The following GABRB3 variants were observed in gnomAD, a reference collection of about 807,000 sequenced individuals.
GABRB3 encodes gamma-aminobutyric acid type A receptor subunit beta3.
In GABRB3, 14 loss-of-function variants were observed where a neutral mutation model predicts 52.1. The observed-to-expected ratio is 0.27, with a 90% confidence interval of 0.18 to 0.42. The LOEUF is 0.42. GABRB3 is among the 10% of genes least tolerant of loss of function. The probability of loss-of-function intolerance (pLI) is 1.00; values close to 1 mark genes in which losing one functional copy is unlikely to be tolerated. For missense variants in GABRB3, 307 were observed against 609.1 expected, an observed-to-expected ratio of 0.50 and a Z score of 5.22; for synonymous variants, 260 against 232.3, an observed-to-expected ratio of 1.12 and a Z score of -1.08.
chr15:26,669,259 C>T (rs1595520240), intron 3 of GABRB3, among the ~76,000 whole-genome samples: 1 of 152,192 alleles, frequency 6.6e-6, no homozygotes, highest in Admixed American at 6.5e-5. Context: ...TGATGTCCTT[C>T]CTACTTAGGG....
At chr15:26,563,273 C>A (rs746399889) in intron 7 of GABRB3, among the ~76,000 whole-genome samples, 6 of 152,192 alleles carry the variant, frequency 3.9e-5, no homozygotes, top group Non-Finnish European at 7.3e-5. Flanking sequence ...GGTAAATGAA[C>A]CCCAGAGGGA....
At chr15:26,732,991 T>C (rs1200657496) in intron 3 of GABRB3, among the ~76,000 whole-genome samples, 1 of 86,086 alleles carries the variant, frequency 1.2e-5, no homozygotes, top group African/African-American at 4.2e-5. Context: ...GAGTAAGACC[T>C]TGTCTCTAAT....
At position 26,583,250 on chromosome 15, in the gene GABRB3, C is replaced by T. The variant is rs538101437; in HGVS notation, c.544+82G>A. 1.2e-5 allele frequency: 14 copies of T among 1,122,930 alleles called. No individual in the cohort carries two copies. The South Asian group carries it at 1.8e-4, about 14-fold the overall frequency. The allele number at this position is 1,122,930 out of a possible 1,614,324, so 69.6% of individuals were successfully genotyped here. ...TTCTATGTCAAAAAAATTATGGATG[C>T]CTTGAAAAAAGATGCTAAATAATGA... On this transcript the variant is annotated intron_variant, in intron 5 of 8. Transcript: ENST00000311550.
chr15:26,757,275 T>C (rs1021156609), intron 3 of GABRB3, among the ~76,000 whole-genome samples: 1 of 152,128 alleles, frequency 6.6e-6, no homozygotes, highest in South Asian at 2.1e-4. Flanking sequence ...CAGAAACTCA[T>C]CCCTTTCTTC....
chr15:26,697,563 A>G (rs886831511), intron 3 of GABRB3, among the ~76,000 whole-genome samples: 4 of 152,106 alleles, frequency 2.6e-5, no homozygotes, highest in Non-Finnish European at 4.4e-5. Context: ...ACCTCAGATA[A>G]TGCAGGAAGA....
chr15:26,560,438 C>T lies in GABRB3; in HGVS notation c.1080+494G>A, dbSNP rs936857330. 2.6e-5 allele frequency among the ~76,000 whole-genome samples: 4 copies of T among 152,318 alleles called. No homozygotes were observed. In the East Asian group the frequency reaches 7.7e-4, roughly 29 times the overall value. On this transcript the variant is annotated intron_variant, in intron 8 of 8. Transcript: ENST00000311550. ...TAACCAGCCCCAGTCCAAATGCCCT[C>T]ACCCAAATTCAAGAATGCACTCCAC...
intron 3 of GABRB3, among the ~76,000 whole-genome samples, chr15:26,724,248 C>T (rs764092563): frequency 9.2e-5 from 14 of 152,162 alleles, no homozygotes; most frequent in Non-Finnish European, 1.8e-4. Flanking sequence ...ATCCTCTCTC[C>T]TCCTGGGCCA....
At chr15:26,627,558 G>A (rs1356556508) in intron 3 of GABRB3, among the ~76,000 whole-genome samples, 1 of 151,872 alleles carries the variant, frequency 6.6e-6, no homozygotes, top group Non-Finnish European at 1.5e-5. Flanking sequence ...TTTGGAAGAT[G>A]TGGATTCCAG....
chr15:26,766,178 A>C (rs1890991778), intron 3 of GABRB3, among the ~76,000 whole-genome samples: 1 of 152,228 alleles, frequency 6.6e-6, no homozygotes, highest in African/African-American at 2.4e-5. Flanking sequence ...CAAATGTCTG[A>C]TAGGCTTCAT....
chr15:26,661,218 A>G (rs935598147), intron 3 of GABRB3, among the ~76,000 whole-genome samples: 1 of 152,284 alleles, frequency 6.6e-6, no homozygotes, highest in Admixed American at 6.5e-5. Flanking sequence ...TGAATTCTCA[A>G]CTGAATTCTC....
chr15:26,648,812 G>A (rs953895630), intron 3 of GABRB3, among the ~76,000 whole-genome samples: 4 of 152,176 alleles, frequency 2.6e-5, no homozygotes, highest in African/African-American at 9.7e-5. Flanking sequence ...GATGGGGAAG[G>A]AAAGAACTGA....
chr15:26,615,482 A>G lies in GABRB3; in HGVS notation c.461+5832T>C, dbSNP rs1312818646. ...TCAAGCTCAAGGGGCTACAAGAGTC[A>G]TGGGAAAAATGGCTCATGATTTAAA... On this transcript the variant is annotated intron_variant, in intron 4 of 8. Transcript: ENST00000311550. The G allele has an allele frequency of 6.1e-6, 6 of 978,702 alleles. No individual in the cohort carries two copies. In the African/African-American group the frequency reaches 1.1e-4, roughly 17 times the overall value. 60.6% of individuals were successfully genotyped at this position (978,702 alleles called of 1,614,324 possible). A position where few individuals can be genotyped will look rare whatever the true frequency, so the allele number is the denominator to read the frequency against.
chr15:26,617,191 A>G (rs984348049), intron 4 of GABRB3, among the ~76,000 whole-genome samples: 18 of 152,174 alleles, frequency 1.2e-4, no homozygotes, highest in African/African-American at 4.1e-4. Flanking sequence ...AAACTATTCC[A>G]ATCAATAGAA....
At chr15:26,614,039 G>C (rs1331107151) in intron 4 of GABRB3, 1 of 152,360 alleles carries the variant, frequency 6.6e-6, no homozygotes, top group Non-Finnish European at 1.5e-5. Context: ...TGAGGGAGGA[G>C]GAAAGTAGCA....
At chr15:26,758,692 G>C (rs868318180) in intron 3 of GABRB3, among the ~76,000 whole-genome samples, 3 of 151,916 alleles carry the variant, frequency 2.0e-5, no homozygotes, top group African/African-American at 7.3e-5. Context: ...GTGCTAATTT[G>C]GTTACATTGG....
intron 3 of GABRB3, among the ~76,000 whole-genome samples, chr15:26,761,246 T>C (rs1237791877): frequency 6.6e-6 from 1 of 151,994 alleles, no homozygotes; most frequent in East Asian, 1.9e-4. Flanking sequence ...TACAAAAAAA[T>C]TAGCCAGGTG....
chr15:26,620,623 T>C (rs1474659832), intron 4 of GABRB3, among the ~76,000 whole-genome samples: 1 of 152,106 alleles, frequency 6.6e-6, no homozygotes, highest in African/African-American at 2.4e-5. Context: ...CAAAAATCTA[T>C]GCAAGAGACA....
chr15:26,591,314 AG>A (rs1891196328), intron 4 of GABRB3, among the ~76,000 whole-genome samples: 1 of 152,228 alleles, frequency 6.6e-6, no homozygotes, highest in South Asian at 2.1e-4. Flanking sequence ...ATCGCTACGT[AG>A]GGATCACAAC....
At position 26,670,790 on chromosome 15, in the gene GABRB3, T is replaced by C. The variant is rs57677755; in HGVS notation, c.241-49256A>G. Among the ~76,000 whole-genome samples, 614 of 152,390 alleles carry C rather than the reference T, an allele frequency of 4.0e-3. 3 individuals carry two copies. Among genetic ancestry groups the C allele is most frequent in the African/African-American group, 0.014 (594 of 41,598 alleles). ...TAAAAAATTTAAAACTCGCTTTTCC[T>C]ATGCCTCTTTCTTTCTTTTAAGCCC... is the stretch of plus-strand genomic sequence containing the variant. On this transcript the variant is annotated intron_variant, in intron 3 of 8. Coordinates refer to ENST00000311550, the MANE Select transcript of GABRB3 (RefSeq NM_000814.6).
Sources: gnomAD v4.1 joint callset for allele counts (sites outside exome capture counted in the v4.1 genomes callset) on GRCh38, gnomAD v4.1.1 for gene constraint, MANE v1.5 for transcripts, NCBI Gene and HGNC (gene_info 2026-07-23, HGNC 2026-07-21) for gene names.